HIF1A: variants seen among roughly 807,000 people sequenced by gnomAD.
HIF1A encodes the protein hypoxia inducible factor 1 subunit alpha.
HIF1A carries 24 observed loss-of-function variants against 92.7 expected under a neutral mutation model. That is an observed-to-expected ratio of 0.26 (90% CI 0.19 to 0.36). The LOEUF is 0.36. HIF1A is among the 10% of genes least tolerant of loss of function. The probability of loss-of-function intolerance (pLI) is 1.00; values close to 1 mark genes in which losing one functional copy is unlikely to be tolerated. For missense variants in HIF1A, 799 were observed against 998.5 expected (o/e 0.80, Z 2.69); for synonymous variants, 319 against 338.7 (o/e 0.94, Z 0.64).
intron 1 of HIF1A, among the ~76,000 whole-genome samples, chr14:61,707,641 C>CT (rs1175064120): frequency 1.3e-5 from 2 of 151,614 alleles, no homozygotes; most frequent in African/African-American, 2.4e-5. Context: ...TGAACTCATC[C>CT]TTTTTTATGG....
At chr14:61,743,222 C>T (rs1454802550) in intron 12 of HIF1A, among the ~76,000 whole-genome samples, 1 of 152,012 alleles carries the variant, frequency 6.6e-6, no homozygotes. Context: ...CAGGCATGCA[C>T]CACCACACCC....
At chr14:61,732,216 TA>T (rs765187968) in intron 6 of HIF1A, among the ~76,000 whole-genome samples, 4 of 152,164 alleles carry the variant, frequency 2.6e-5, no homozygotes, top group Non-Finnish European at 5.9e-5. Context: ...CTAGAGGACT[TA>T]AAGAAATGTG....
chr14:61,736,168 CAG>C, intron 8 of HIF1A, among the ~76,000 whole-genome samples: 6 of 151,972 alleles, frequency 3.9e-5, no homozygotes, highest in Admixed American at 3.9e-4. Context: ...TTAGTAGAGA[CAG>C]GGTTTTGCCA....
Position 61,696,007 on chromosome 14 carries a change from C to T in HIF1A, c.35+168C>T, listed in dbSNP as rs980227002. Among the ~76,000 whole-genome samples the T allele has an allele frequency of 7.9e-5, 12 of 152,208 alleles. 1 individual carries two copies. The highest frequency in any genetic ancestry group is 7.9e-4 in the Admixed American group (12 of 15,286). ...TTCCCCCAACCTCGCCGGCCGGGCT[C>T]CCCCGCTGTCCACGTCGCCATCTTG... On this transcript the variant is annotated intron_variant, in intron 1 of 14. Transcript: ENST00000337138.
intron 4 of HIF1A, 187 bp from the exon 5 acceptor site, chr14:61,726,519 C>T (rs781213362): frequency 2.4e-6 from 1 of 418,726 alleles, no homozygotes; most frequent in Non-Finnish European, 4.3e-6. Context: ...ATCACAGCTA[C>T]TGAGTAGTGT....
At chr14:61,701,040 C>CT (rs1402009877) in intron 1 of HIF1A, among the ~76,000 whole-genome samples, 88 of 152,316 alleles carry the variant, frequency 5.8e-4, no homozygotes, top group Non-Finnish European at 2.5e-4. Context: ...CACAGAAACA[C>CT]TTTTTGGGTA....
At position 61,721,637 on chromosome 14, in the gene HIF1A, T is replaced by C. The variant is rs773462944; in HGVS notation, c.355T>C (p.Tyr119His). ...TTACATTTCTGATAATGTGAACAAA[T>C]ACATGGGATTAACTCAGGTAAAATG... ...MIYISDNVNKYMGLTQFELTG... is the reference protein window; with the variant it reads ...MIYISDNVNKHMGLTQFELTG... Residue 119 changes from tyrosine (Y) to histidine (H), a missense_variant, in exon 3 of 15, where the codon TAC becomes CAC. Transcript: ENST00000337138. 19 of 1,613,150 alleles carry C rather than the reference T, an allele frequency of 1.2e-5. No individual in the cohort carries two copies. The South Asian group carries it at 2.1e-4, about 18-fold the overall frequency.
At chr14:61,701,468 T>C (rs1243760461) in intron 1 of HIF1A, among the ~76,000 whole-genome samples, 2 of 152,114 alleles carry the variant, frequency 1.3e-5, no homozygotes, top group African/African-American at 2.4e-5. Flanking sequence ...CTTTTTTTTT[T>C]CCAAGTAGTT....
chr14:61,742,236 A>G (rs1006481528), intron 12 of HIF1A, among the ~76,000 whole-genome samples: 2 of 152,218 alleles, frequency 1.3e-5, no homozygotes, highest in Non-Finnish European at 2.9e-5. Flanking sequence ...GCTAGAAGAA[A>G]TTAAGTTTTA....
chr14:61,746,854 A>T, intron 14 of HIF1A, 80 bp from the exon 15 acceptor site: 1 of 1,150,332 alleles, frequency 8.7e-7, no homozygotes, highest in African/African-American at 1.5e-5. Flanking sequence ...ATTTTCTATG[A>T]TACCTAACAC....
Position 61,720,677 on chromosome 14 carries a change from C to T in HIF1A, c.226+105C>T, listed in dbSNP as rs1483365428. On this transcript the variant is annotated intron_variant, in intron 2 of 14. Coordinates refer to ENST00000337138, the MANE Select transcript of HIF1A (RefSeq NM_001530.4). ...CGCAATGTTTTGATTTTGTATACCT[C>T]TTTATATTGTGATATGTACACGTTT... is the stretch of plus-strand genomic sequence containing the variant. 4.5e-6 allele frequency: 3 copies of T among 662,696 alleles called. No individual in the cohort carries two copies. The African/African-American group carries it at 5.6e-5, about 12-fold the overall frequency. The allele number at this position is 662,696 out of a possible 1,614,324, so 41.1% of individuals were successfully genotyped here.
chr14:61,699,178 T>G (rs2044148543), intron 1 of HIF1A, among the ~76,000 whole-genome samples: 1 of 152,200 alleles, frequency 6.6e-6, no homozygotes, highest in Non-Finnish European at 1.5e-5. Context: ...GTATGAAGTC[T>G]ATGCACTCTT....
At chr14:61,697,465 A>G (rs772754518) in intron 1 of HIF1A, among the ~76,000 whole-genome samples, 1 of 152,156 alleles carries the variant, frequency 6.6e-6, no homozygotes, top group African/African-American at 2.4e-5. Flanking sequence ...CACTTTTTTT[A>G]TATACAGTAT....
intron 4 of HIF1A, among the ~76,000 whole-genome samples, chr14:61,725,279 G>C (rs1336768758): frequency 6.6e-6 from 1 of 152,078 alleles, no homozygotes; most frequent in Non-Finnish European, 1.5e-5. Flanking sequence ...ACTTCTTCAG[G>C]AAAGGTGGCG....
chr14:61,722,936 C>A lies in HIF1A; in HGVS notation c.457+1113C>A, dbSNP rs930988678. Among the ~76,000 whole-genome samples the A allele has an allele frequency of 1.2e-4, 19 of 152,144 alleles. 1 individual carries two copies. The highest frequency in any genetic ancestry group is 1.2e-3 in the Admixed American group (19 of 15,276). On this transcript the variant is annotated intron_variant, in intron 4 of 14. Coordinates refer to ENST00000337138, the MANE Select transcript of HIF1A (RefSeq NM_001530.4). ...TACTGATCATAATTATTTAAAAAATCATGTGTTCTAAGATTTTTGGAAAGT... is the reference window on the plus strand; with the variant it reads ...TACTGATCATAATTATTTAAAAAATAATGTGTTCTAAGATTTTTGGAAAGT...
At chr14:61,713,868 A>G (rs1485505131) in intron 1 of HIF1A, among the ~76,000 whole-genome samples, 1 of 152,092 alleles carries the variant, frequency 6.6e-6, no homozygotes, top group Non-Finnish European at 1.5e-5. Context: ...CACTGTCTCC[A>G]GGTAGATAGT....
Position 61,737,070 on chromosome 14 carries a change from G to C in HIF1A, c.1210G>C (p.Ala404Pro). 6.2e-7 allele frequency: 1 copy of C among 1,614,100 alleles called. No homozygotes were observed. The highest frequency in any genetic ancestry group is 8.5e-7 in the Non-Finnish European group (1 of 1,179,956). Residue 404 changes from alanine (A) to proline (P), a missense_variant, in exon 9 of 15, where the codon GCT becomes CCT. Around this residue, in one of 2 missense-constraint regions of HIF1A, gnomAD observed 516 missense variants for 721.0 expected, o/e 0.72. Transcript: ENST00000337138. ...PDALTLLAPA[A>P]GDTIISLDFG... ...TGCTTTAACTTTGCTGGCCCCAGCC[G>C]CTGGAGACACAATCATATCTTTAGA...
At chr14:61,736,275 C>G (rs1467653159) in intron 8 of HIF1A, among the ~76,000 whole-genome samples, 1 of 152,180 alleles carries the variant, frequency 6.6e-6, no homozygotes, top group Non-Finnish European at 1.5e-5. Context: ...CCACGCCCAG[C>G]CTGGATATCT....
At chr14:61,742,885 CAAA>C (rs766112676) in intron 12 of HIF1A, among the ~76,000 whole-genome samples, 6 of 16,606 alleles carry the variant, frequency 3.6e-4, no homozygotes, top group Admixed American at 2.2e-3. Context: ...AACTCGGTTT[CAAA>C]AAAAAAAAAA....
Sources: gnomAD v4.1 joint callset for allele counts (sites outside exome capture counted in the v4.1 genomes callset) on GRCh38, gnomAD v4.1.1 for gene constraint, gnomAD v4.1.1 regional missense constraint, MANE v1.5 for transcripts, NCBI Gene and HGNC (gene_info 2026-07-23, HGNC 2026-07-21) for gene names.